EDARADD: variants seen among roughly 807,000 people sequenced by gnomAD.
EDARADD encodes ectodysplasin-A receptor-associated adapter protein.
A neutral mutation model predicts 25.6 loss-of-function variants in EDARADD; 20 were observed. The observed-to-expected ratio is 0.78, with a 90% CI of 0.55 to 1.14. The LOEUF is 1.14. Ranked by LOEUF, EDARADD falls within the 50% of genes most tolerant of loss-of-function variation. EDARADD has a pLI of 0.00. For missense variants in EDARADD, 225 were observed against 270.1 expected, an observed-to-expected ratio of 0.83 and a Z score of 1.17; for synonymous variants, 86 against 94.4, an observed-to-expected ratio of 0.91 and a Z score of 0.52.
At chr1:236,443,410 G>A (rs1658452861) in intron 4 of EDARADD, among the ~76,000 whole-genome samples, 1 of 152,184 alleles carries the variant, frequency 6.6e-6, no homozygotes, top group African/African-American at 2.4e-5. Flanking sequence ...CATTCTAGAT[G>A]CTATTAAGAA....
intron 5 of EDARADD, 63 bp from the exon 6 acceptor site, chr1:236,482,204 A>C: frequency 6.3e-7 from 1 of 1,587,428 alleles, no homozygotes. Context: ...TAAAGGATGT[A>C]AGAAATGAAT....
intron 1 of EDARADD, among the ~76,000 whole-genome samples, chr1:236,406,320 T>A (rs766450170): frequency 6.6e-6 from 1 of 152,192 alleles, no homozygotes; most frequent in Non-Finnish European, 1.5e-5. Flanking sequence ...AATGCACGTG[T>A]GTCCGGCTGT....
At chr1:236,428,054 A>G (rs920067756) in intron 4 of EDARADD, among the ~76,000 whole-genome samples, 24 of 151,806 alleles carry the variant, frequency 1.6e-4, no homozygotes, top group African/African-American at 5.8e-4. Flanking sequence ...ACAATAGTGG[A>G]GGGAAGGTCA....
chr1:236,482,625 T>C lies in EDARADD; in HGVS notation c.624T>C (p.Arg208=), dbSNP rs1272325509. 25 of 1,612,012 alleles carry C rather than the reference T, an allele frequency of 1.6e-5. No individual in the cohort carries two copies. In the East Asian group the frequency reaches 3.3e-4, roughly 22 times the overall value. Reference sequence around the variant, plus strand: ...ACGAGGAGTGGCCCAAGCGGGAGCGTGGAGACCCCTCCAGGCACTTCTAGA... The same window carrying C: ...ACGAGGAGTGGCCCAAGCGGGAGCGCGGAGACCCCTCCAGGCACTTCTAGA... The part of the protein sequence containing the change: ...WVDEEWPKRE[R]GDPSRHF The change falls in exon 6 of 6, where the codon CGT becomes CGC. Residue 208 remains arginine (R), a synonymous_variant. Transcript: ENST00000334232.
chr1:236,423,855 C>T (rs1360785584), intron 3 of EDARADD, among the ~76,000 whole-genome samples: 1 of 152,120 alleles, frequency 6.6e-6, no homozygotes, highest in Non-Finnish European at 1.5e-5. Flanking sequence ...CCTGTAATCC[C>T]AGCACTTTGC....
intron 4 of EDARADD, among the ~76,000 whole-genome samples, chr1:236,466,804 C>T (rs1011814844): frequency 2.0e-5 from 3 of 152,154 alleles, no homozygotes; most frequent in Admixed American, 6.5e-5. Flanking sequence ...CACTGTGGCT[C>T]ACACCTGTAA....
rs141324128 is a variant in EDARADD, at chr1:236,398,281, C to G, written c.61+3776C>G. 6.6e-6 allele frequency among the ~76,000 whole-genome samples: 1 copy of G among 152,312 alleles called. No homozygotes were observed. The highest frequency in any genetic ancestry group is 1.9e-4 in the East Asian group (1 of 5,176). On this transcript the variant is annotated intron_variant, in intron 1 of 5. Transcript: ENST00000334232. The surrounding 1 kb of genome is among the most constrained non-coding windows in gnomAD (Gnocchi z 4.1). ...CTGGTATTACAGGTGCACACTACCA[C>G]ACCTGGCTAATTTTTTGTATTTTTA... is the stretch of plus-strand genomic sequence containing the variant.
At chr1:236,432,353 C>T (rs927880854) in intron 4 of EDARADD, among the ~76,000 whole-genome samples, 1 of 150,182 alleles carries the variant, frequency 6.7e-6, no homozygotes, top group Non-Finnish European at 1.5e-5. Context: ...CGTGCCACTG[C>T]ACTTCAGCCT....
intron 3 of EDARADD, among the ~76,000 whole-genome samples, chr1:236,385,259 A>C (rs374934644): frequency 2.0e-5 from 3 of 151,584 alleles, no homozygotes; most frequent in Non-Finnish European, 4.4e-5. Flanking sequence ...ATCCAAAAAA[A>C]TTAGCCAGGC....
At chr1:236,479,452 G>A (rs1433370361) in intron 5 of EDARADD, among the ~76,000 whole-genome samples, 2 of 151,298 alleles carry the variant, frequency 1.3e-5, no homozygotes, top group African/African-American at 2.4e-5. Context: ...CCGTGATTGT[G>A]CCACTGCCAT....
chr1:236,355,315 CTTT>C (rs1303193720), intron 3 of EDARADD, among the ~76,000 whole-genome samples: 1 of 152,086 alleles, frequency 6.6e-6, no homozygotes, highest in African/African-American at 2.4e-5. Flanking sequence ...TCCATCACTT[CTTT>C]TTCTGTCACT....
intron 3 of EDARADD, 150 bp from the exon 4 acceptor site, chr1:236,427,242 G>T: frequency 1.4e-6 from 1 of 696,668 alleles, no homozygotes; most frequent in Non-Finnish European, 2.4e-6. Context: ...GCAGAGTTTG[G>T]AGAGGAATTT....
chr1:236,354,926 C>T (rs583758), intron 3 of EDARADD, among the ~76,000 whole-genome samples: 76,683 of 151,948 alleles, frequency 0.5, 20,114 homozygotes, highest in East Asian at 0.84. Flanking sequence ...TAAATATGTA[C>T]AGCTTTCCTC....
At chr1:236,471,919 G>A (rs898368869) in intron 5 of EDARADD, among the ~76,000 whole-genome samples, 6 of 152,176 alleles carry the variant, frequency 3.9e-5, no homozygotes, top group Non-Finnish European at 8.8e-5. Flanking sequence ...GAATTGTGAA[G>A]CTTGTTGCAA....
At chr1:236,393,391 C>CTTTTTTTTTTTT (rs761525038), upstream of EDARADD, among the ~76,000 whole-genome samples, 152 of 87,200 alleles carry the variant, frequency 1.7e-3, 4 homozygotes, top group East Asian at 4.4e-3. Context: ...TTCTTTCTTT[C>CTTTTTTTTTTTT]TTTTTTTTTT....
chr1:236,429,688 A>G (rs1658045268), intron 4 of EDARADD, among the ~76,000 whole-genome samples: 1 of 152,004 alleles, frequency 6.6e-6, no homozygotes, highest in South Asian at 2.1e-4. Flanking sequence ...CCTGGCCAGA[A>G]TGTTCATTAT....
intron 3 of EDARADD, among the ~76,000 whole-genome samples, chr1:236,388,173 C>T (rs1558106769): frequency 6.6e-6 from 1 of 151,942 alleles, no homozygotes; most frequent in African/African-American, 2.4e-5. Flanking sequence ...TTTGAACTGT[C>T]TTTTGACCAT....
At chr1:236,382,380 C>A (rs1396027615) in intron 3 of EDARADD, among the ~76,000 whole-genome samples, 3 of 152,150 alleles carry the variant, frequency 2.0e-5, no homozygotes, top group Non-Finnish European at 4.4e-5. Flanking sequence ...GCTTGTTGAA[C>A]CCATGGACTA....
upstream of EDARADD, among the ~76,000 whole-genome samples, chr1:236,393,391 C>CTTTCTTTT (rs1553264552): frequency 3.6e-4 from 31 of 87,208 alleles, no homozygotes; most frequent in African/African-American, 1.6e-3. Flanking sequence ...TTCTTTCTTT[C>CTTTCTTTT]TTTTTTTTTT....
Sources: gnomAD v4.1 joint callset for allele counts (sites outside exome capture counted in the v4.1 genomes callset) on GRCh38, gnomAD v4.1.1 for gene constraint, Gnocchi (gnomAD v3.1) non-coding constraint, MANE v1.5 for transcripts, NCBI Gene and HGNC (gene_info 2026-07-23, HGNC 2026-07-21) for gene names.